The following EYA2 variants were observed in gnomAD, a reference collection of about 807,000 sequenced individuals.
EYA2 encodes protein phosphatase EYA2.
EYA2 carries 31 observed loss-of-function variants against 69.2 expected under a neutral mutation model. That is an observed-to-expected ratio of 0.45 (90% CI 0.34 to 0.60). EYA2 has a LOEUF of 0.60. EYA2 is among the 20% of genes least tolerant of loss of function. EYA2 has a pLI of 0.02. For missense variants in EYA2, 622 were observed against 701.2 expected (o/e 0.89, Z 1.28); for synonymous variants, 257 against 279.4 (o/e 0.92, Z 0.80).
chr20:47,023,262 G>T (rs965715835), intron 5 of EYA2, among the ~76,000 whole-genome samples: 3 of 152,128 alleles, frequency 2.0e-5, no homozygotes, highest in African/African-American at 7.2e-5. Flanking sequence ...ACTATTACAA[G>T]AATTAGTTCA....
intron 12 of EYA2, 138 bp downstream of exon 12, chr20:47,173,005 A>G (rs2034356157): frequency 1.1e-6 from 1 of 919,510 alleles, no homozygotes; most frequent in Non-Finnish European, 1.6e-6. Flanking sequence ...CCCTGACGAC[A>G]CCCTTCGGAA....
At chr20:46,972,739 T>C (rs1189948171) in intron 1 of EYA2, among the ~76,000 whole-genome samples, 1 of 152,068 alleles carries the variant, frequency 6.6e-6, no homozygotes, top group Non-Finnish European at 1.5e-5. Context: ...GGATTTGAAC[T>C]CAGGCACCTG....
chr20:47,069,190 C>T (rs2031220912), intron 5 of EYA2, among the ~76,000 whole-genome samples: 1 of 152,146 alleles, frequency 6.6e-6, no homozygotes, highest in Non-Finnish European at 1.5e-5. Context: ...ACTTATACTA[C>T]CTGGTTTCAA....
intron 9 of EYA2, among the ~76,000 whole-genome samples, chr20:47,131,115 T>C (rs1242182211): frequency 6.6e-6 from 1 of 152,124 alleles, no homozygotes; most frequent in African/African-American, 2.4e-5. Flanking sequence ...AAAAATACTC[T>C]ATGTTTACTT....
chr20:47,029,218 A>G (rs1308051463), intron 5 of EYA2, among the ~76,000 whole-genome samples: 1 of 152,214 alleles, frequency 6.6e-6, no homozygotes, highest in Non-Finnish European at 1.5e-5. Flanking sequence ...GCCACAGGTT[A>G]TGGATGTGTC....
intron 4 of EYA2, among the ~76,000 whole-genome samples, chr20:47,008,242 C>T (rs578024095): frequency 1.3e-5 from 2 of 152,354 alleles, no homozygotes; most frequent in African/African-American, 4.8e-5. Context: ...AAGGTCATCT[C>T]ATTATCCTCC....
intron 1 of EYA2, among the ~76,000 whole-genome samples, chr20:46,932,791 C>T (rs1281669569): frequency 6.6e-6 from 1 of 152,088 alleles, no homozygotes; most frequent in Admixed American, 6.5e-5. Context: ...ATGGCTGAGG[C>T]AGGAGAATCG....
chr20:47,042,059 G>A (rs576028028), intron 5 of EYA2, among the ~76,000 whole-genome samples: 1 of 152,262 alleles, frequency 6.6e-6, no homozygotes, highest in South Asian at 2.1e-4. Context: ...ATCCAAATCT[G>A]AAGACACAAA....
At chr20:47,154,440 G>A (rs1222758499) in intron 10 of EYA2, among the ~76,000 whole-genome samples, 1 of 152,032 alleles carries the variant, frequency 6.6e-6, no homozygotes, top group Non-Finnish European at 1.5e-5. Context: ...TTTTACAAAT[G>A]AGGAAACTGA....
chr20:47,167,843 G>C (rs1483089083), intron 10 of EYA2, among the ~76,000 whole-genome samples: 2 of 152,152 alleles, frequency 1.3e-5, no homozygotes, highest in Non-Finnish European at 2.9e-5. Context: ...CAGGTTCCGA[G>C]ATAAGAATGT....
intron 5 of EYA2, among the ~76,000 whole-genome samples, chr20:47,049,849 A>C: frequency 6.7e-6 from 1 of 148,320 alleles, no homozygotes. Context: ...CTAGGCTCCC[A>C]TCTGTGACAG....
At chr20:47,165,589 G>A (rs535688702) in intron 10 of EYA2, among the ~76,000 whole-genome samples, 72 of 152,322 alleles carry the variant, frequency 4.7e-4, no homozygotes, top group African/African-American at 1.6e-3. Flanking sequence ...GGTGCTGCCC[G>A]TGGGTCACAG....
intron 1 of EYA2, among the ~76,000 whole-genome samples, chr20:46,942,196 T>C (rs192017360): frequency 2.8e-4 from 42 of 151,852 alleles, no homozygotes; most frequent in African/African-American, 9.7e-4. Flanking sequence ...CTTTTTATTT[T>C]ATTTTATTTT....
At chr20:46,915,805 C>T (rs1218019638) in intron 1 of EYA2, among the ~76,000 whole-genome samples, 2 of 152,170 alleles carry the variant, frequency 1.3e-5, no homozygotes, top group Admixed American at 1.3e-4. Flanking sequence ...TCCCTTTAGC[C>T]AGAGCATGTC....
chr20:47,021,452 C>A (rs1391062584), intron 5 of EYA2, among the ~76,000 whole-genome samples: 3 of 151,948 alleles, frequency 2.0e-5, no homozygotes, highest in Non-Finnish European at 4.4e-5. Flanking sequence ...CATGGCAAAA[C>A]CCCATCTCTA....
intron 9 of EYA2, among the ~76,000 whole-genome samples, chr20:47,128,777 G>T (rs984806290): frequency 2.0e-5 from 3 of 152,098 alleles, no homozygotes; most frequent in Admixed American, 2.0e-4. Context: ...ATATTTTGAG[G>T]AGGAAATGGG....
intron 2 of EYA2, among the ~76,000 whole-genome samples, chr20:47,000,496 G>A (rs1982295399): frequency 6.6e-6 from 1 of 152,172 alleles, no homozygotes; most frequent in Non-Finnish European, 1.5e-5. Flanking sequence ...CAGGGAGTGG[G>A]CATTGGCAGG....
intron 10 of EYA2, among the ~76,000 whole-genome samples, chr20:47,153,783 G>C (rs549780213): frequency 1.3e-5 from 2 of 152,094 alleles, no homozygotes; most frequent in East Asian, 3.9e-4. Context: ...CTGGCACCGT[G>C]GAAGGAATGG....
chr20:47,077,320 C>T (rs1470273853), intron 7 of EYA2, among the ~76,000 whole-genome samples: 1 of 152,158 alleles, frequency 6.6e-6, no homozygotes, highest in Non-Finnish European at 1.5e-5. Context: ...TCATTCATTC[C>T]CCAGACCTGC....
Sources: gnomAD v4.1 joint callset for allele counts (sites outside exome capture counted in the v4.1 genomes callset) on GRCh38, gnomAD v4.1.1 for gene constraint, MANE v1.5 for transcripts, NCBI Gene and HGNC (gene_info 2026-07-23, HGNC 2026-07-21) for gene names.